Variants in LRRC28 observed in about 807,000 individuals in gnomAD.
The protein encoded by LRRC28 is leucine rich repeat containing 28.
LRRC28 carries 39 observed loss-of-function variants against 45.7 expected under a neutral mutation model. That is an observed-to-expected ratio of 0.85 (90% CI 0.66 to 1.12). The LOEUF (loss-of-function observed/expected upper bound fraction) is 1.12, where lower values mean the gene tolerates loss of function less well. LRRC28 is among the 50% of genes most tolerant of loss of function. LRRC28 has a pLI of 0.00. For missense variants in LRRC28, 435 were observed against 438.5 expected (o/e 0.99, Z 0.07); for synonymous variants, 206 against 178.8 (o/e 1.15, Z -1.22).
intron 9 of LRRC28, among the ~76,000 whole-genome samples, chr15:99,373,478 C>T (rs1200744871): frequency 6.6e-6 from 1 of 152,048 alleles, no homozygotes; most frequent in Non-Finnish European, 1.5e-5. Flanking sequence ...GCATAATAAT[C>T]ACATCATGAA....
chr15:99,334,577 A>C (rs1956263609), intron 6 of LRRC28, among the ~76,000 whole-genome samples: 1 of 152,150 alleles, frequency 6.6e-6, no homozygotes, highest in South Asian at 2.1e-4. Flanking sequence ...TAAAACTTTA[A>C]AGACCTTAAA....
At chr15:99,259,619 A>G (rs2081132908) in intron 2 of LRRC28, 2 of 1,498,904 alleles carry the variant, frequency 1.3e-6, no homozygotes, top group South Asian at 2.3e-5. Flanking sequence ...AGCGTACCAA[A>G]CGGGCAAGGG....
intron 5 of LRRC28, among the ~76,000 whole-genome samples, chr15:99,323,343 CCTT>C (rs1204005304): frequency 2.0e-5 from 3 of 152,094 alleles, no homozygotes; most frequent in African/African-American, 7.2e-5. Flanking sequence ...AGGTTAAACT[CCTT>C]CTTAGGAAGA....
At chr15:99,285,689 CTGTT>C in intron 3 of LRRC28, 4 of 575,678 alleles carry the variant, frequency 6.9e-6, no homozygotes, top group Middle Eastern at 2.7e-4. Context: ...ATTTTAAAGT[CTGTT>C]TGAAAAATTC....
At chr15:99,363,360 G>A (rs982935426) in intron 9 of LRRC28, 95 bp downstream of exon 9, 16 of 1,325,092 alleles carry the variant, frequency 1.2e-5, no homozygotes, top group African/African-American at 8.8e-5. Context: ...TAAGTCAGCA[G>A]TTTTAAAGGG....
At chr15:99,331,145 T>C (rs1419520486) in intron 5 of LRRC28, among the ~76,000 whole-genome samples, 1 of 152,224 alleles carries the variant, frequency 6.6e-6, no homozygotes, top group Non-Finnish European at 1.5e-5. Context: ...TTTGCAGCCA[T>C]GTAAAAACAC....
chr15:99,297,927 G>A (rs2082306986), intron 5 of LRRC28, among the ~76,000 whole-genome samples: 1 of 151,882 alleles, frequency 6.6e-6, no homozygotes, highest in African/African-American at 2.4e-5. Context: ...TTTTCTGAAC[G>A]ATGTGTCCTT....
rs542102516 is a variant in LRRC28, at chr15:99,330,994, G to A, written c.386-2929G>A. 2.6e-5 allele frequency among the ~76,000 whole-genome samples: 4 copies of A among 152,012 alleles called. No individual in the cohort carries two copies. In the East Asian group the frequency reaches 7.7e-4, roughly 29 times the overall value. On this transcript the variant is annotated intron_variant, in intron 5 of 9. Coordinates refer to ENST00000301981, the MANE Select transcript of LRRC28 (RefSeq NM_144598.5). The stretch of plus-strand genomic sequence containing the variant: ...TATAGTTTGATTATGATGTGTATAG[G>A]TGTGGGTCTCTGTGTTTATCCTACT...
At chr15:99,336,663 A>G (rs1956333883) in intron 6 of LRRC28, among the ~76,000 whole-genome samples, 1 of 152,092 alleles carries the variant, frequency 6.6e-6, no homozygotes. Flanking sequence ...AGGTGCTCCC[A>G]ATTACTTGTT....
chr15:99,356,224 A>C (rs1363399050), intron 7 of LRRC28, among the ~76,000 whole-genome samples: 2 of 152,250 alleles, frequency 1.3e-5, no homozygotes, highest in African/African-American at 4.8e-5. Flanking sequence ...AATGTGACCC[A>C]TTCTCAAGAA....
At chr15:99,314,621 T>A (rs572823931) in intron 5 of LRRC28, among the ~76,000 whole-genome samples, 1 of 152,238 alleles carries the variant, frequency 6.6e-6, no homozygotes, top group South Asian at 2.1e-4. Flanking sequence ...GACAAAAACA[T>A]TGGGAATATG....
intron 2 of LRRC28, among the ~76,000 whole-genome samples, chr15:99,266,446 C>G (rs917388042): frequency 1.3e-5 from 2 of 151,770 alleles, no homozygotes; most frequent in Non-Finnish European, 2.9e-5. Flanking sequence ...TGAGACCAGC[C>G]TGGGCAACAT....
chr15:99,255,286 A>G (rs28669303), intron 1 of LRRC28, among the ~76,000 whole-genome samples: 3,197 of 152,042 alleles, frequency 0.021, 102 homozygotes, highest in African/African-American at 0.073. Context: ...TGAGCCCAGG[A>G]GTTGAGGCTA....
chr15:99,254,784 C>T (rs35137571), intron 1 of LRRC28, among the ~76,000 whole-genome samples: 14,561 of 152,192 alleles, frequency 0.096, 977 homozygotes, highest in East Asian at 0.32. Flanking sequence ...GTGGATAAAA[C>T]GGCAAATGTT....
At chr15:99,281,589 T>A (rs1448241910) in intron 3 of LRRC28, among the ~76,000 whole-genome samples, 1 of 152,220 alleles carries the variant, frequency 6.6e-6, no homozygotes, top group Non-Finnish European at 1.5e-5. Flanking sequence ...ACTGACTGAT[T>A]TTTCTCCTGG....
intron 6 of LRRC28, among the ~76,000 whole-genome samples, chr15:99,339,587 T>G (rs1333480021): frequency 6.6e-6 from 1 of 151,848 alleles, no homozygotes; most frequent in East Asian, 1.9e-4. Context: ...AAAAATTAGC[T>G]GGGTGTGGTG....
rs374404798 is a variant in LRRC28 at position 99,282,727 on chromosome 15, CAAGGAAAT to C, written c.210-4529_210-4522del. Among the ~76,000 whole-genome samples the C allele has an allele frequency of 2.7e-3, 407 of 152,224 alleles. 4 individuals are homozygous for C. The highest frequency in any genetic ancestry group is 9.1e-3 in the African/African-American group (378 of 41,532). Reference sequence around the variant, plus strand: ...AGAACACCCTATGATGTTTGCATAACAAGGAAATCACCTAACGACACATTTCTTAGAAC... The same window carrying C: ...AGAACACCCTATGATGTTTGCATAACCACCTAACGACACATTTCTTAGAAC... On this transcript the variant is annotated intron_variant, in intron 3 of 9. Coordinates refer to ENST00000301981, the MANE Select transcript of LRRC28 (RefSeq NM_144598.5).
At position 99,387,552 on chromosome 15, in the gene LRRC28, A is replaced by G. The variant is rs1265998955; in HGVS notation, c.*1450A>G. On this transcript the variant is annotated 3_prime_UTR_variant, in exon 10 of 10. Coordinates refer to ENST00000301981, the MANE Select transcript of LRRC28 (RefSeq NM_144598.5). ...GACTTCTGCAAAAGTCCATAAACAG[A>G]AAGTCTGTGAGCCTCCACCCTGCCA... is the stretch of plus-strand genomic sequence containing the variant. 1 of 152,182 alleles carries G rather than the reference A, an allele frequency of 6.6e-6. No homozygotes were observed. Among genetic ancestry groups the G allele is most frequent in the East Asian group, 1.9e-4 (1 of 5,202 alleles). 9.4% of individuals were successfully genotyped at this position (152,182 alleles called of 1,614,324 possible).
intron 2 of LRRC28, among the ~76,000 whole-genome samples, chr15:99,266,760 TAGC>T (rs1182391916): frequency 1.3e-5 from 2 of 152,208 alleles, no homozygotes; most frequent in Non-Finnish European, 2.9e-5. Context: ...TAAAATATGA[TAGC>T]AGCTAGCACT....
Sources: allele counts gnomAD v4.1 joint callset (sites outside exome capture counted in the v4.1 genomes callset), GRCh38; gene constraint gnomAD v4.1.1; transcripts MANE v1.5; gene names NCBI Gene and HGNC (gene_info 2026-07-23, HGNC 2026-07-21).